The following MLPH variants were observed in gnomAD, a reference collection of about 807,000 sequenced individuals.
The protein encoded by MLPH is melanophilin.
MLPH carries 51 observed loss-of-function variants against 72.1 expected under a neutral mutation model. That is an observed-to-expected ratio of 0.71 (90% CI 0.56 to 0.89). MLPH has a LOEUF of 0.89. MLPH is among the 40% of genes least tolerant of loss of function. The pLI, the probability that MLPH is intolerant of heterozygous loss-of-function variation, is 0.00. For synonymous variants in MLPH, 301 were observed against 310.1 expected (o/e 0.97, Z 0.31); for missense variants, 743 against 759.9 (o/e 0.98, Z 0.26).
rs1316219361 is a variant in MLPH at position 237,522,846 on chromosome 2, T to G, written c.676-2755T>G. Among the ~76,000 whole-genome samples the G allele has an allele frequency of 2.0e-5, 3 of 152,198 alleles. No homozygotes were observed. The East Asian group carries it at 5.8e-4, about 29-fold the overall frequency. Reference sequence around the variant, plus strand: ...TTGGAGGACAGGAGGAACCATGCTATAGCTAAAATAAAGCCAATATCACCG... The same window carrying G: ...TTGGAGGACAGGAGGAACCATGCTAGAGCTAAAATAAAGCCAATATCACCG... On this transcript the variant is annotated intron_variant, in intron 6 of 15. Transcript: ENST00000264605.
chr2:237,550,989 C>T (rs922297738), intron 14 of MLPH, among the ~76,000 whole-genome samples: 3 of 152,218 alleles, frequency 2.0e-5, no homozygotes, highest in Admixed American at 2.0e-4. Flanking sequence ...CACCCCCGGC[C>T]CCCTGAAGCT....
chr2:237,489,122 G>T (rs1007941210), intron 1 of MLPH, among the ~76,000 whole-genome samples: 1 of 152,252 alleles, frequency 6.6e-6, no homozygotes, highest in Non-Finnish European at 1.5e-5. Flanking sequence ...GGCTGGGCTG[G>T]CTGTGCCTGA....
intron 1 of MLPH, among the ~76,000 whole-genome samples, chr2:237,490,210 C>T (rs112533340): frequency 1.4e-4 from 22 of 152,240 alleles, no homozygotes; most frequent in African/African-American, 4.6e-4. Flanking sequence ...CCCTGCACTC[C>T]TCATGGGTCT....
rs1242383336 is a variant in MLPH at position 237,503,287 on chromosome 2, CATTGGT to C, written c.111-7286_111-7281del. ...TGCCAAGGCAGGGCCTGGAGGGGAA[CATTGGT>C]CTGAGATGTTTTAGGAGATACTCTG... On this transcript the variant is annotated intron_variant, in intron 2 of 15. Coordinates refer to ENST00000264605, the MANE Select transcript of MLPH (RefSeq NM_024101.7). Among the ~76,000 whole-genome samples the C allele has an allele frequency of 2.0e-5, 3 of 152,212 alleles. No individual in the cohort carries two copies. The East Asian group carries it at 5.8e-4, about 29-fold the overall frequency.
intron 8 of MLPH, among the ~76,000 whole-genome samples, chr2:237,528,697 C>A (rs1045833745): frequency 6.7e-6 from 1 of 150,356 alleles, no homozygotes; most frequent in Non-Finnish European, 1.5e-5. Flanking sequence ...CCACCTCTCT[C>A]TAATTCCAAA....
chr2:237,549,974 A>G (rs557585018), intron 14 of MLPH, among the ~76,000 whole-genome samples: 1 of 152,282 alleles, frequency 6.6e-6, no homozygotes, highest in South Asian at 2.1e-4. Context: ...CTGCCTGCAG[A>G]ATGAAGTGGG....
intron 12 of MLPH, chr2:237,545,891 C>CA (rs1455723780): frequency 1.5e-5 from 3 of 198,780 alleles, no homozygotes; most frequent in Admixed American, 5.4e-5. Flanking sequence ...CTTGTGAACA[C>CA]AAAATATCTG....
chr2:237,522,434 T>C (rs1163302769), intron 6 of MLPH, among the ~76,000 whole-genome samples: 1 of 112,546 alleles, frequency 8.9e-6, no homozygotes, highest in African/African-American at 4.0e-5. Flanking sequence ...GGGCTGAGAC[T>C]GGGGTTGGGC....
rs746939862 is a variant in MLPH, at chr2:237,519,919, C to T, written c.565C>T (p.Leu189Phe). The T allele has an allele frequency of 6.2e-7, 1 of 1,614,032 alleles. No homozygotes were observed. The highest frequency in any genetic ancestry group is 8.5e-7 in the Non-Finnish European group (1 of 1,180,030). Residue 189 changes from leucine to phenylalanine, a missense_variant, in exon 6 of 16, where the codon CTC becomes TTC. Physicochemically the swap from Leu to Phe is conservative, Grantham distance 22. Transcript: ENST00000264605. The part of the protein sequence containing the change: ...AQPFGSKKKR[L>F]LSVHDFDFEG... Reference sequence around the variant, plus strand: ...TCTTGTGCCTGCTAAGAAAAAGCGCCTCCTCTCCGTCCACGACTTCGACTT... The same window carrying T: ...TCTTGTGCCTGCTAAGAAAAAGCGCTTCCTCTCCGTCCACGACTTCGACTT...
intron 14 of MLPH, among the ~76,000 whole-genome samples, chr2:237,549,654 G>C (rs1293366349): frequency 6.6e-6 from 1 of 152,140 alleles, no homozygotes; most frequent in East Asian, 1.9e-4. Flanking sequence ...CTTTGTCCTG[G>C]ACGAACGGGA....
Position 237,527,387 on chromosome 2 carries a change from C to A in MLPH, c.891C>A (p.Val297=). 1 of 1,614,196 alleles carries A rather than the reference C, an allele frequency of 6.2e-7. No homozygotes were observed. Among genetic ancestry groups the A allele is most frequent in the Non-Finnish European group, 8.5e-7 (1 of 1,180,046 alleles). Reference sequence around the variant, plus strand: ...ACTCTCGCTCTGAAGGGTCGAATGTCATCAGGAATGAGCAGCTGCCCCTGC... The same window carrying A: ...ACTCTCGCTCTGAAGGGTCGAATGTAATCAGGAATGAGCAGCTGCCCCTGC... The part of the protein sequence containing the change: ...LGTAAALGSN[V]IRNEQLPLQY... The change falls in exon 8 of 16, where the codon GTC becomes GTA. Residue 297 remains valine, a synonymous_variant. Transcript: ENST00000264605.
intron 10 of MLPH, 22 bp from the exon 11 acceptor site, chr2:237,540,780 C>A: frequency 6.2e-7 from 1 of 1,612,068 alleles, no homozygotes; most frequent in South Asian, 1.1e-5. Context: ...TGCTGGTCAG[C>A]CTCCGTCCTT....
chr2:237,550,011 T>C (rs2081000056), intron 14 of MLPH, among the ~76,000 whole-genome samples: 1 of 152,216 alleles, frequency 6.6e-6, no homozygotes, highest in East Asian at 1.9e-4. Flanking sequence ...CTGCAGACTT[T>C]GGCCATTTGT....
intron 4 of MLPH, among the ~76,000 whole-genome samples, chr2:237,514,659 C>A (rs1341131965): frequency 1.3e-5 from 2 of 152,218 alleles, no homozygotes; most frequent in Non-Finnish European, 2.9e-5. Context: ...TGAGCCCCAG[C>A]AGCATTGCCA....
At chr2:237,486,566 C>G (rs2079322714), upstream of MLPH, 1 of 152,214 alleles carries the variant, frequency 6.6e-6, no homozygotes, top group South Asian at 2.1e-4. Flanking sequence ...TTCCCCGCAG[C>G]GCGTCCTCGG....
chr2:237,518,339 A>G, intron 4 of MLPH, 200 bp from the exon 5 acceptor site: 1 of 668,936 alleles, frequency 1.5e-6, no homozygotes, highest in Non-Finnish European at 2.7e-6. Context: ...GAATAGATTG[A>G]TAAATAGGGG....
At chr2:237,511,181 TGTGTGTGTGTAC>T (rs2079893607) in intron 4 of MLPH, 80 bp downstream of exon 4, 1 of 1,077,900 alleles carries the variant, frequency 9.3e-7, no homozygotes, top group Non-Finnish European at 1.4e-6. Flanking sequence ...GGAGTGTGCA[TGTGTGTGTGTAC>T]GTGTGTGTGT....
Position 237,541,467 on chromosome 2 carries a change from G to A in MLPH, c.1446+510G>A, listed in dbSNP as rs913972950. On this transcript the variant is annotated intron_variant, in intron 11 of 15. Transcript: ENST00000264605. This position sits in a 1 kb window ranked among gnomAD's most constrained non-coding sequence, Gnocchi z 5.1. The stretch of plus-strand genomic sequence containing the variant: ...CTTAGGCACTGCTCTGTCCTCCCTG[G>A]AGACCTACAGAGAGGAGAGGGGGTG... 1.3e-5 allele frequency among the ~76,000 whole-genome samples: 2 copies of A among 152,136 alleles called. No individual in the cohort carries two copies. The highest frequency in any genetic ancestry group is 2.9e-5 in the Non-Finnish European group (2 of 68,024).
Position 237,553,703 on chromosome 2 carries a change from A to T in MLPH, c.*111A>T. On this transcript the variant is annotated 3_prime_UTR_variant, in exon 16 of 16. Transcript: ENST00000264605. ...ACTATACACAGTCACCGTCCCAATG[A>T]GAAACAAGAAGGAGCACCCTCCACA... 6.8e-7 allele frequency: 1 copy of T among 1,463,164 alleles called. No individual in the cohort carries two copies. Among genetic ancestry groups the T allele is most frequent in the Non-Finnish European group, 9.6e-7 (1 of 1,042,466 alleles). The allele number at this position is 1,463,164 out of a possible 1,614,324, so 90.6% of individuals were successfully genotyped here.
Sources: gnomAD v4.1 joint callset for allele counts (sites outside exome capture counted in the v4.1 genomes callset) on GRCh38, gnomAD v4.1.1 for gene constraint, Gnocchi (gnomAD v3.1) non-coding constraint, MANE v1.5 for transcripts, NCBI Gene and HGNC (gene_info 2026-07-23, HGNC 2026-07-21) for gene names.